Variants in TCF7L1 observed in about 807,000 individuals in gnomAD.
The protein encoded by TCF7L1 is transcription factor 7 like 1, also known as transcription factor 7-like 1.
TCF7L1 carries 18 observed loss-of-function variants against 63.7 expected under a neutral mutation model. The ratio of observed to expected loss-of-function variants is 0.28; its 90% CI spans 0.20 to 0.42. The LOEUF (loss-of-function observed/expected upper bound fraction) is 0.42, where lower values mean the gene tolerates loss of function less well. Among genes scored for constraint, TCF7L1 ranks in the 10% least tolerant of loss-of-function variants. The pLI, the probability that TCF7L1 is intolerant of heterozygous loss-of-function variation, is 1.00. For missense variants in TCF7L1, 654 were observed against 779.3 expected, an observed-to-expected ratio of 0.84 and a Z score of 1.91; for synonymous variants, 355 against 340.9, an observed-to-expected ratio of 1.04 and a Z score of -0.46.
chr2:85,276,633 C>T (rs1681277981), intron 3 of TCF7L1, among the ~76,000 whole-genome samples: 1 of 151,878 alleles, frequency 6.6e-6, no homozygotes, highest in South Asian at 2.1e-4. Context: ...AGTCACATCT[C>T]TCCCCTGCTC....
chr2:85,303,574 ACT>A, intron 5 of TCF7L1: 1 of 263,494 alleles, frequency 3.8e-6, no homozygotes, highest in Non-Finnish European at 7.1e-6. Context: ...TTCACCAGTG[ACT>A]CTTGTCATTG....
intron 3 of TCF7L1, among the ~76,000 whole-genome samples, chr2:85,210,223 GC>G (rs2104288370): frequency 6.6e-6 from 1 of 152,288 alleles, no homozygotes; most frequent in South Asian, 2.1e-4. Flanking sequence ...CCTCTGAGAG[GC>G]CTCGCTCCTG....
Position 85,247,086 on chromosome 2 carries a change from C to T in TCF7L1, c.442-36409C>T, listed in dbSNP as rs145729729. ...GGGTTTGCATCCCTACAAGAAGCCC[C>T]CTCTGTCTTTTTGCAGGTGCTTGAG... On this transcript the variant is annotated intron_variant, in intron 3 of 11. Transcript: ENST00000282111. 2.6e-4 allele frequency among the ~76,000 whole-genome samples: 39 copies of T among 152,320 alleles called. No individual in the cohort carries two copies. The East Asian group carries it at 6.4e-3, about 25-fold the overall frequency.
In TCF7L1 at chr2:85,182,388, G is replaced by A. The variant is rs149030488; in HGVS notation, c.441+47938G>A. ...GGCCTGGGGTGCCAGGGAGCTGAGGGTAGAAGGAATGTATTAATGCCAGCA... is the reference window on the plus strand; with the variant it reads ...GGCCTGGGGTGCCAGGGAGCTGAGGATAGAAGGAATGTATTAATGCCAGCA... On this transcript the variant is annotated intron_variant, in intron 3 of 11. Transcript: ENST00000282111. Among the ~76,000 whole-genome samples, 893 of 152,326 alleles carry A rather than the reference G, an allele frequency of 5.9e-3. 11 individuals are homozygous for A. The highest frequency in any genetic ancestry group is 0.02 in the African/African-American group (836 of 41,558).
chr2:85,259,617 A>G (rs1215577810), intron 3 of TCF7L1, among the ~76,000 whole-genome samples: 2 of 152,210 alleles, frequency 1.3e-5, no homozygotes, highest in African/African-American at 2.4e-5. Context: ...GAGCCGTGGG[A>G]TAATGGAGAC....
At chr2:85,188,867 C>T (rs568168935) in intron 3 of TCF7L1, among the ~76,000 whole-genome samples, 6 of 152,278 alleles carry the variant, frequency 3.9e-5, no homozygotes, top group East Asian at 3.9e-4. Flanking sequence ...TTACTAACTC[C>T]GGGTTGGGAA....
intron 3 of TCF7L1, among the ~76,000 whole-genome samples, chr2:85,255,946 TTGTC>T (rs1680706645): frequency 1.3e-5 from 2 of 152,220 alleles, no homozygotes; most frequent in Admixed American, 6.5e-5. Flanking sequence ...CCGGGGATGA[TTGTC>T]TGAGTTGGTG....
chr2:85,180,860 C>G (rs1001851119), intron 3 of TCF7L1, among the ~76,000 whole-genome samples: 2 of 152,228 alleles, frequency 1.3e-5, no homozygotes, highest in African/African-American at 2.4e-5. Flanking sequence ...TGCCGAGCAT[C>G]TCACAGCCAG....
chr2:85,190,745 T>G (rs1223038339), intron 3 of TCF7L1, among the ~76,000 whole-genome samples: 3 of 152,360 alleles, frequency 2.0e-5, no homozygotes, highest in African/African-American at 7.2e-5. Flanking sequence ...CTTACTGGAC[T>G]AAGAGCTTTG....
intron 3 of TCF7L1, among the ~76,000 whole-genome samples, chr2:85,152,435 C>CTT (rs67994195): frequency 0.16 from 20,552 of 130,780 alleles, 2,822 homozygotes; most frequent in African/African-American, 0.32. Flanking sequence ...TTCTCTCTCT[C>CTT]TCTTTTTTTT....
chr2:85,214,420 G>A (rs1419568900), intron 3 of TCF7L1, among the ~76,000 whole-genome samples: 3 of 152,226 alleles, frequency 2.0e-5, no homozygotes, highest in African/African-American at 7.2e-5. Context: ...AGGACTAGTT[G>A]TGTTATCTCG....
At chr2:85,275,635 A>T (rs1006008563) in intron 3 of TCF7L1, among the ~76,000 whole-genome samples, 2 of 152,174 alleles carry the variant, frequency 1.3e-5, no homozygotes, top group Non-Finnish European at 2.9e-5. Context: ...AGACCAGTGT[A>T]GGCCAGGTGC....
At chr2:85,204,296 C>CCA (rs1679342976) in intron 3 of TCF7L1, among the ~76,000 whole-genome samples, 1 of 85,160 alleles carries the variant, frequency 1.2e-5, no homozygotes, top group Non-Finnish European at 2.7e-5. Context: ...TTGCTTCCCC[C>CCA]CCCCCCCCCA....
At chr2:85,226,367 G>A (rs1022803969) in intron 3 of TCF7L1, among the ~76,000 whole-genome samples, 1 of 152,090 alleles carries the variant, frequency 6.6e-6, no homozygotes, top group Non-Finnish European at 1.5e-5. Context: ...GCTCCATTTT[G>A]TACCTATCCC....
At chr2:85,280,147 T>G (rs967669626) in intron 3 of TCF7L1, among the ~76,000 whole-genome samples, 39 of 152,272 alleles carry the variant, frequency 2.6e-4, no homozygotes, top group Admixed American at 2.5e-3. Context: ...GAGCAGTGAT[T>G]CTCAGTTGCG....
chr2:85,206,748 T>C (rs903087251), intron 3 of TCF7L1, among the ~76,000 whole-genome samples: 1 of 152,168 alleles, frequency 6.6e-6, no homozygotes, highest in African/African-American at 2.4e-5. Context: ...GAGTTTCTAG[T>C]TCAATAAAGA....
rs192745712 is a variant in TCF7L1 at position 85,277,337 on chromosome 2, A to G, written c.442-6158A>G. On this transcript the variant is annotated intron_variant, in intron 3 of 11. Transcript: ENST00000282111. The stretch of plus-strand genomic sequence containing the variant: ...CGGTTATAGTATAGGTTCCTGTTAC[A>G]TAGAGTTTCTAAGAGGACAAGGAGA... 5.9e-5 allele frequency among the ~76,000 whole-genome samples: 9 copies of G among 152,268 alleles called. No homozygotes were observed. The East Asian group carries it at 1.7e-3, about 29-fold the overall frequency.
intron 3 of TCF7L1, among the ~76,000 whole-genome samples, chr2:85,235,111 C>T (rs779265885): frequency 1.3e-5 from 2 of 152,090 alleles, no homozygotes; most frequent in Non-Finnish European, 2.9e-5. Flanking sequence ...GGCCTCATCT[C>T]CATGGAAACC....
At chr2:85,163,919 G>A (rs1272959333) in intron 3 of TCF7L1, among the ~76,000 whole-genome samples, 1 of 152,026 alleles carries the variant, frequency 6.6e-6, no homozygotes, top group Non-Finnish European at 1.5e-5. Flanking sequence ...TCCTTATGTG[G>A]AGACAGGGTC....
Sources: allele counts gnomAD v4.1 joint callset (sites outside exome capture counted in the v4.1 genomes callset), GRCh38; gene constraint gnomAD v4.1.1; transcripts MANE v1.5; gene names NCBI Gene and HGNC (gene_info 2026-07-23, HGNC 2026-07-21).